Variants in TNNT1 observed in about 807,000 individuals in gnomAD.
The protein encoded by TNNT1 is troponin T1, slow skeletal type.
Under a neutral mutation model 50.6 loss-of-function variants are expected in TNNT1, and 53 were observed. The observed-to-expected ratio is 1.05, with a 90% CI of 0.84 to 1.32. The LOEUF is 1.32. Among genes scored for constraint, TNNT1 ranks in the 40% most tolerant of loss-of-function variants. The pLI is 0.00. For synonymous variants in TNNT1, 142 were observed against 138.0 expected (o/e 1.03, Z -0.20); for missense variants, 348 against 381.7 (o/e 0.91, Z 0.74).
intron 5 of TNNT1, 132 bp from the exon 6 acceptor site, chr19:55,145,697 G>T: frequency 1.1e-6 from 1 of 870,580 alleles, no homozygotes; most frequent in South Asian, 1.5e-5. Flanking sequence ...CTGGAGTCCA[G>T]TTCTGGAGGA....
intron 11 of TNNT1, chr19:55,135,504 T>C (rs887017277): frequency 1.6e-5 from 5 of 308,586 alleles, no homozygotes; most frequent in Non-Finnish European, 3.1e-5. Context: ...TCTCAGGCTC[T>C]AGTGATCCTC....
chr19:55,136,235 C>G (rs1012080702), intron 11 of TNNT1, among the ~76,000 whole-genome samples: 7 of 152,150 alleles, frequency 4.6e-5, no homozygotes, highest in Admixed American at 3.9e-4. Context: ...TGTAAACCCT[C>G]CACAGGAAGC....
At position 55,146,447 on chromosome 19, in the gene TNNT1, CG is replaced by C; in HGVS notation, c.92del (p.Pro31ArgfsTer20). 8.8e-7 allele frequency: 1 copy of C among 1,138,118 alleles called. No individual in the cohort carries two copies. The highest frequency in any genetic ancestry group is 1.8e-5 in the African/African-American group (1 of 55,692). The allele number at this position is 1,138,118 out of a possible 1,614,324, so 70.5% of individuals were successfully genotyped here. ...EEEEAPEEPEPVAEPEEERPK... is the reference protein window; with the variant it reads ...EEEEAPEEPEXVAEPEEERPK... ...AGCCGCGGTTACCTGGCTCTGCCAC[CG>C]GCTCCGGCTCTTCGGGGGCTGGGGA... is the stretch of plus-strand genomic sequence containing the variant. On this transcript the variant is annotated frameshift_variant, in exon 5 of 14. Coordinates refer to ENST00000588981, the MANE Select transcript of TNNT1 (RefSeq NM_003283.6). LOFTEE classifies it high-confidence loss of function.
Position 55,141,869 on chromosome 19 carries a change from G to T in TNNT1, c.180C>A (p.Arg60=), listed in dbSNP as rs760326240. The change falls in exon 7 of 14, where the codon CGC becomes CGA. Residue 60 remains arginine (R), a synonymous_variant. Transcript: ENST00000588981. The stretch of plus-strand genomic sequence containing the variant: ...TCTTGTCACTTACATCGAAGTCAAC[G>T]CGCTCCCCTTCTGGGATCTTTGGCG... ...LIPPKIPEGE[R]VDFDDIHRKR... 2.5e-6 allele frequency: 4 copies of T among 1,614,024 alleles called. No individual in the cohort carries two copies. Among genetic ancestry groups the T allele is most frequent in the Non-Finnish European group, 3.4e-6 (4 of 1,179,956 alleles).
chr19:55,133,763 GGA>G, intron 13 of TNNT1, 122 bp downstream of exon 13: 2 of 1,093,210 alleles, frequency 1.8e-6, no homozygotes, highest in Non-Finnish European at 2.8e-6. Context: ...AGAGAAGGAA[GGA>G]CAAAGAGAAA....
At chr19:55,139,081 C>A (rs114368894) in intron 9 of TNNT1, among the ~76,000 whole-genome samples, 90 of 152,118 alleles carry the variant, frequency 5.9e-4, no homozygotes, top group Middle Eastern at 6.8e-3. Flanking sequence ...TTCACTGCAA[C>A]CCCCACCTCC....
intron 10 of TNNT1, 129 bp downstream of exon 10, chr19:55,137,832 G>GA (rs2085380923): frequency 8.7e-7 from 1 of 1,147,200 alleles, no homozygotes; most frequent in Non-Finnish European, 1.3e-6. Flanking sequence ...AGGAGTTCAG[G>GA]GCCCAGCCCC....
At chr19:55,135,525 CTTT>C (rs35798514) in intron 11 of TNNT1, 1,249 of 170,886 alleles carry the variant, frequency 7.3e-3, no homozygotes, top group South Asian at 0.017. Flanking sequence ...TCACCTCAGC[CTTT>C]TTTTTTTTTT....
chr19:55,147,683 C>CTGAGGGGGGAGGGGCTGTAGGCT, intron 1 of TNNT1, among the ~76,000 whole-genome samples: 1 of 90,480 alleles, frequency 1.1e-5, no homozygotes, highest in South Asian at 4.2e-4. Flanking sequence ...GGGCTGGGGT[C>CTGAGGGGGGAGGGGCTGTAGGCT]TGGACTCCTG....
chr19:55,133,688 A>T, intron 13 of TNNT1, 199 bp downstream of exon 13: 1 of 656,686 alleles, frequency 1.5e-6, no homozygotes, highest in Non-Finnish European at 2.6e-6. Context: ...AATAAAAAAA[A>T]AAAAAAAGAA....
In TNNT1 at chr19:55,138,027, C is replaced by G; in HGVS notation, c.435G>C (p.Glu145Asp). The change falls in exon 10 of 14, where the codon GAG (glutamate) becomes GAC (aspartate). Residue 145 changes from glutamate to aspartate, a missense_variant. Coordinates refer to ENST00000588981, the MANE Select transcript of TNNT1 (RefSeq NM_003283.6). The stretch of plus-strand genomic sequence containing the variant: ...GCACCTTCTTTTTCTTGGCATCATC[C>G]TCTGCCCGCTTCTTGGCCTCTTCCT... ...KEEEEAKKRA[E>D]DDAKKKKVLS... The G allele has an allele frequency of 6.2e-7, 1 of 1,614,230 alleles. No individual in the cohort carries two copies. The highest frequency in any genetic ancestry group is 8.5e-7 in the Non-Finnish European group (1 of 1,180,050).
intron 6 of TNNT1, chr19:55,145,304 G>A: frequency 1.8e-6 from 1 of 569,050 alleles, no homozygotes; most frequent in Non-Finnish European, 3.1e-6. Flanking sequence ...CCACGATGAA[G>A]AAGAAGGGGA....
At chr19:55,141,946 A>T (rs1196411735) in intron 6 of TNNT1, 26 bp from the exon 7 acceptor site, 2 of 1,613,232 alleles carry the variant, frequency 1.2e-6, no homozygotes, top group Non-Finnish European at 1.7e-6. Flanking sequence ...CACAGAGACC[A>T]TGAGTGGCCC....
intron 11 of TNNT1, 85 bp from the exon 12 acceptor site, chr19:55,134,289 G>A (rs781256928): frequency 1.5e-5 from 20 of 1,333,092 alleles, no homozygotes; most frequent in Non-Finnish European, 1.8e-5. Flanking sequence ...TGAGTTCAGC[G>A]TTGTCGGCAC....
In TNNT1 at chr19:55,132,954, C is replaced by T; in HGVS notation, c.798G>A (p.Lys266=). The change falls in exon 14 of 14, where the codon AAG becomes AAA. Residue 266 remains lysine, a synonymous_variant. Coordinates refer to ENST00000588981, the MANE Select transcript of TNNT1 (RefSeq NM_003283.6). The stretch of plus-strand genomic sequence containing the variant: ...CTCCAACGCGGCCCTTCCCTGCCCC[C>T]TTCCGGCTGTAGAAGAATGAGGTGG... ...NRISHAQKFR[K]GAGKGRVGGR... is the part of the protein sequence containing the mutation. The T allele has an allele frequency of 1.2e-6, 2 of 1,602,120 alleles. No individual in the cohort carries two copies. Among genetic ancestry groups the T allele is most frequent in the South Asian group, 1.1e-5 (1 of 88,428 alleles).
In TNNT1 at chr19:55,141,857, A is replaced by G; in HGVS notation, c.192T>C (p.Asp64=). 1 of 1,613,890 alleles carries G rather than the reference A, an allele frequency of 6.2e-7. No homozygotes were observed. Among genetic ancestry groups the G allele is most frequent in the Non-Finnish European group, 8.5e-7 (1 of 1,179,886 alleles). ...KIPEGERVDF[D]DIHRKRMEKD... is the part of the protein sequence containing the mutation. ...TGCGGAGGGGTCTCTTGTCACTTAC[A>G]TCGAAGTCAACGCGCTCCCCTTCTG... The change falls in exon 7 of 14, where the codon GAT becomes GAC. Residue 64 remains aspartate (D), a splice_region_variant and synonymous_variant. Coordinates refer to ENST00000588981, the MANE Select transcript of TNNT1 (RefSeq NM_003283.6).
rs777272426 is a variant in TNNT1, at chr19:55,133,941, A to G, written c.751-14T>C. 6.2e-7 allele frequency: 1 copy of G among 1,611,974 alleles called. No individual in the cohort carries two copies. Among genetic ancestry groups the G allele is most frequent in the South Asian group, 1.1e-5 (1 of 91,082 alleles). On this transcript the variant is annotated splice_polypyrimidine_tract_variant and intron_variant, in intron 12 of 13. Transcript: ENST00000588981. ...CAGCACGTTGATCTGCGGAGGCAGA[A>G]GACAGATGCTGGGACAGCCGGTGGG...
At chr19:55,135,727 A>G (rs2147241575) in intron 11 of TNNT1, among the ~76,000 whole-genome samples, 1 of 152,102 alleles carries the variant, frequency 6.6e-6, no homozygotes, top group South Asian at 2.1e-4. Context: ...GGATTTCATC[A>G]TATTGGTCAG....
At chr19:55,145,363 G>C in intron 6 of TNNT1, 181 bp downstream of exon 6, 1 of 663,752 alleles carries the variant, frequency 1.5e-6, no homozygotes, top group Non-Finnish European at 2.7e-6. Flanking sequence ...AGGAGGAGGA[G>C]GGAGGAGGAG....
Sources: gnomAD v4.1 joint callset for allele counts (sites outside exome capture counted in the v4.1 genomes callset) on GRCh38, gnomAD v4.1.1 for gene constraint, MANE v1.5 for transcripts, NCBI Gene and HGNC (gene_info 2026-07-23, HGNC 2026-07-21) for gene names.